The following ARK2C variants were observed in gnomAD, a reference collection of about 807,000 sequenced individuals.
ARK2C encodes arkadia (RNF111) C-terminal like ring finger ubiquitin ligase 2C, also known as E3 ubiquitin-protein ligase ARK2C.
At chr18:46,439,012 T>G in the ARK2C span, among the ~76,000 whole-genome samples, 3 of 152,238 alleles carry the variant, frequency 2.0e-5, no homozygotes, top group African/African-American at 7.2e-5. Context: ...TTCTGACAGC[T>G]GCTGCTGTTC....
At chr18:46,444,171 A>G in the ARK2C span, among the ~76,000 whole-genome samples, 1 of 151,828 alleles carries the variant, frequency 6.6e-6, no homozygotes, top group African/African-American at 2.4e-5. Context: ...TTCTTTCACT[A>G]TTTTTAAGAT....
the ARK2C span, chr18:46,456,498 A>G: frequency 1.3e-6 from 2 of 1,575,280 alleles, no homozygotes; most frequent in Non-Finnish European, 1.7e-6. Context: ...CGGGCCTCTG[A>G]CTCTCCCTCC....
chr18:46,351,729 GA>G, the ARK2C span, among the ~76,000 whole-genome samples: 2 of 152,146 alleles, frequency 1.3e-5, no homozygotes. Flanking sequence ...ACATCGCCTG[GA>G]AACAGAGGCC....
At chr18:46,340,710 G>C in the ARK2C span, among the ~76,000 whole-genome samples, 1 of 152,204 alleles carries the variant, frequency 6.6e-6, no homozygotes, top group Non-Finnish European at 1.5e-5. Flanking sequence ...ACTGATGACT[G>C]CCATGAAACC....
chr18:46,342,208 T>G, the ARK2C span, among the ~76,000 whole-genome samples: 1 of 152,128 alleles, frequency 6.6e-6, no homozygotes, highest in Admixed American at 6.6e-5. Context: ...AGCTAGTAAA[T>G]GGCTAAGCCA....
At chr18:46,378,094 T>C in the ARK2C span, among the ~76,000 whole-genome samples, 1 of 152,190 alleles carries the variant, frequency 6.6e-6, no homozygotes, top group East Asian at 1.9e-4. Flanking sequence ...GGCCCTGAGA[T>C]TTGCATTTGA....
the ARK2C span, among the ~76,000 whole-genome samples, chr18:46,438,469 C>G: frequency 1.8e-4 from 28 of 152,250 alleles, no homozygotes; most frequent in Non-Finnish European, 2.4e-4. Context: ...TGGGATGACT[C>G]TGTTCCAAGT....
chr18:46,441,315 GC>G, the ARK2C span, among the ~76,000 whole-genome samples: 6 of 152,172 alleles, frequency 3.9e-5, no homozygotes, highest in African/African-American at 1.4e-4. Context: ...ACATGCCTAG[GC>G]CCAAATGATT....
the ARK2C span, among the ~76,000 whole-genome samples, chr18:46,440,501 C>T: frequency 1.3e-5 from 2 of 152,176 alleles, no homozygotes; most frequent in African/African-American, 2.4e-5. Context: ...GAACATATCC[C>T]TCACAGAAAA....
At chr18:46,428,839 T>C in the ARK2C span, among the ~76,000 whole-genome samples, 3,559 of 152,316 alleles carry the variant, frequency 0.023, 130 homozygotes, top group African/African-American at 0.081. Flanking sequence ...TACTAGGAAA[T>C]GTAAAATTCC....
chr18:46,371,039 A>G, the ARK2C span, among the ~76,000 whole-genome samples: 3 of 152,304 alleles, frequency 2.0e-5, no homozygotes, highest in South Asian at 2.1e-4. Context: ...AGGCCTCACA[A>G]TCATTACAGA....
the ARK2C span, among the ~76,000 whole-genome samples, chr18:46,339,794 A>G: frequency 6.6e-6 from 1 of 152,258 alleles, no homozygotes; most frequent in Non-Finnish European, 1.5e-5. Flanking sequence ...ATTTAGGGAA[A>G]AGACCACCAA....
chr18:46,369,603 T>C, the ARK2C span, among the ~76,000 whole-genome samples: 4 of 152,182 alleles, frequency 2.6e-5, no homozygotes, highest in Non-Finnish European at 5.9e-5. Context: ...ACACACAATG[T>C]AGCCAGAAAA....
At chr18:46,368,386 C>A in the ARK2C span, among the ~76,000 whole-genome samples, 1 of 152,204 alleles carries the variant, frequency 6.6e-6, no homozygotes, top group Non-Finnish European at 1.5e-5. Context: ...CCTAAACCCC[C>A]AGAACCACTG....
the ARK2C span, among the ~76,000 whole-genome samples, chr18:46,340,455 G>T: frequency 6.6e-6 from 1 of 152,084 alleles, no homozygotes; most frequent in Non-Finnish European, 1.5e-5. Flanking sequence ...CTGCGCTAAG[G>T]GGGATACAGA....
chr18:46,349,785 G>T, the ARK2C span, among the ~76,000 whole-genome samples: 1 of 152,114 alleles, frequency 6.6e-6, no homozygotes, highest in African/African-American at 2.4e-5. Context: ...CCCTTGCCCA[G>T]TAACCCACAG....
At chr18:46,417,461 C>T in the ARK2C span, among the ~76,000 whole-genome samples, 5 of 152,370 alleles carry the variant, frequency 3.3e-5, no homozygotes, top group African/African-American at 9.6e-5. Flanking sequence ...AGGGCCTTTG[C>T]GTGTGCAGTT....
chr18:46,383,694 ACAGG>A, the ARK2C span, among the ~76,000 whole-genome samples: 1 of 151,728 alleles, frequency 6.6e-6, no homozygotes, highest in African/African-American at 2.4e-5. Context: ...AGCTGGGACT[ACAGG>A]CAGCCACCAC....
chr18:46,436,370 A>G, the ARK2C span, among the ~76,000 whole-genome samples: 3 of 152,170 alleles, frequency 2.0e-5, no homozygotes, highest in East Asian at 5.8e-4. Context: ...AAATGGTGAC[A>G]TTTGGGGAAT....
Sources: allele counts gnomAD v4.1 joint callset (sites outside exome capture counted in the v4.1 genomes callset), GRCh38; gene constraint gnomAD v4.1.1; transcripts MANE v1.5; gene names NCBI Gene and HGNC (gene_info 2026-07-23, HGNC 2026-07-21).